CRB2: variants seen among roughly 807,000 people sequenced by gnomAD.
The protein encoded by CRB2 is protein crumbs homolog 2.
Under a neutral mutation model 110.9 loss-of-function variants are expected in CRB2, and 85 were observed. The observed-to-expected ratio is 0.77, with a 90% CI of 0.64 to 0.92. The LOEUF (loss-of-function observed/expected upper bound fraction) is 0.92. CRB2 is among the 40% of genes least tolerant of loss of function. CRB2 has a pLI of 0.00. For missense variants in CRB2, 1,843 were observed against 1,851.3 expected (o/e 1.00, Z 0.08); for synonymous variants, 907 against 831.0 (o/e 1.09, Z -1.57).
chr9:123,365,693 G>A lies in CRB2; in HGVS notation c.419-224G>A, dbSNP rs2041920726. On this transcript the variant is annotated intron_variant, in intron 2 of 12. Transcript: ENST00000373631. ...GCTGAATCACCCCCCACCATGTCCT[G>A]GCCTAGACTGCTGTGAGCCCCATGA... 2.0e-5 allele frequency among the ~76,000 whole-genome samples: 3 copies of A among 152,194 alleles called. No homozygotes were observed. In the South Asian group the frequency reaches 6.2e-4, roughly 32 times the overall value.
At position 123,357,229 on chromosome 9, in the gene CRB2, G is replaced by A. The variant is rs569923689; in HGVS notation, c.94+875G>A. Among the ~76,000 whole-genome samples, 8 of 152,216 alleles carry A rather than the reference G, an allele frequency of 5.3e-5. No individual in the cohort carries two copies. In the South Asian group the frequency reaches 8.3e-4, roughly 16 times the overall value. ...CCTTTTTGCTTTTGTCCAAGCTCTC[G>A]GAGCCTGGAATTCCTCCTGGGGGGT... On this transcript the variant is annotated intron_variant, in intron 1 of 12. Coordinates refer to ENST00000373631, the MANE Select transcript of CRB2 (RefSeq NM_173689.7).
In CRB2 at chr9:123,370,563, G is replaced by A; in HGVS notation, c.1510G>A (p.Val504Met). 6.2e-7 allele frequency: 1 copy of A among 1,613,516 alleles called. No homozygotes were observed. The highest frequency in any genetic ancestry group is 8.5e-7 in the Non-Finnish European group (1 of 1,180,024). The change falls in exon 7 of 13, where the codon GTG becomes ATG. Residue 504 changes from valine (V) to methionine (M), a missense_variant. Physicochemically the swap from Val to Met is conservative, Grantham distance 21. Coordinates refer to ENST00000373631, the MANE Select transcript of CRB2 (RefSeq NM_173689.7). ...QATLWSYSTTVLVLRLPDLAL... is the reference protein window; with the variant it reads ...QATLWSYSTTMLVLRLPDLAL... ...CACACTCTGGAGCTACAGCACCACT[G>A]TGCTTGTCCTGAGACTGCCGGACCT... is the stretch of plus-strand genomic sequence containing the variant.
rs368208593 is a variant in CRB2 at position 123,376,890 on chromosome 9, C to T, written c.3686C>T (p.Ala1229Val). Reference sequence around the variant, plus strand: ...CCACTGCTGGAGGTGGCCGTACCTGCAGCCTGTGCCTGCCTCCTCCTCCTC... The same window carrying T: ...CCACTGCTGGAGGTGGCCGTACCTGTAGCCTGTGCCTGCCTCCTCCTCCTC... ...PFPLLEVAVP[A>V]ACACLLLLLL... The change falls in exon 13 of 13, where the codon GCA (alanine) becomes GTA (valine). Residue 1229 changes from alanine to valine, a missense_variant. Transcript: ENST00000373631. 4 of 1,610,082 alleles carry T rather than the reference C, an allele frequency of 2.5e-6. No individual in the cohort carries two copies. The African/African-American group carries it at 5.3e-5, about 21-fold the overall frequency.
At chr9:123,367,440 CCCCCCA>C (rs2041952465) in intron 5 of CRB2, 83 bp downstream of exon 5, 1 of 1,006,170 alleles carries the variant, frequency 9.9e-7, no homozygotes, top group Non-Finnish European at 1.3e-6. Flanking sequence ...CCCCCCCCAC[CCCCCCA>C]CCCCACACCC....
chr9:123,354,569 C>G (rs1225963727), upstream of CRB2, among the ~76,000 whole-genome samples: 2 of 152,230 alleles, frequency 1.3e-5, no homozygotes. Context: ...GAGCTGGGCT[C>G]GAACCCAGAT....
Position 123,370,677 on chromosome 9 carries a change from G to A in CRB2, c.1624G>A (p.Ala542Thr), listed in dbSNP as rs758710571. The change falls in exon 7 of 13, where the codon GCC becomes ACC. Residue 542 changes from alanine (A) to threonine (T), a missense_variant. By Grantham distance (58) the Ala-to-Thr change is moderately conservative. Coordinates refer to ENST00000373631, the MANE Select transcript of CRB2 (RefSeq NM_173689.7). ...ACGGCTCTGGCATGAGGGCTGCCCT[G>A]CCCGGCTCTGTGTGGCCTCTGGTCC... ...ELRLWHEGCP[A>T]RLCVASGPVA... is the part of the protein sequence containing the mutation. 1 of 1,606,222 alleles carries A rather than the reference G, an allele frequency of 6.2e-7. No individual in the cohort carries two copies. Among genetic ancestry groups the A allele is most frequent in the Admixed American group, 1.7e-5 (1 of 60,020 alleles).
intron 1 of CRB2, among the ~76,000 whole-genome samples, chr9:123,362,002 G>C (rs1394252906): frequency 6.6e-6 from 1 of 152,210 alleles, no homozygotes; most frequent in African/African-American, 2.4e-5. Flanking sequence ...GAAGCATCAT[G>C]GTGGCCAGGG....
rs140031022 is a variant in CRB2 at position 123,363,040 on chromosome 9, C to T, written c.270C>T (p.Thr90=). 4.2e-4 allele frequency: 675 copies of T among 1,611,998 alleles called. 1 individual carries two copies. In the African/African-American group the frequency reaches 6.4e-3, roughly 15 times the overall value. ...GTGTGCCCCAGGGTCCAGATCCCAC[C>T]GGCTTCCGCTGCTACTGCGTGCCGG... The part of the protein sequence containing the change: ...ALCVPQGPDP[T]GFRCYCVPGF... Residue 90 remains threonine (T), a synonymous_variant, in exon 2 of 13, where the codon ACC becomes ACT. Coordinates refer to ENST00000373631, the MANE Select transcript of CRB2 (RefSeq NM_173689.7).
In CRB2 at chr9:123,365,965, T is replaced by C. The variant is rs778832790; in HGVS notation, c.467T>C (p.Leu156Pro). Residue 156 changes from leucine (L) to proline (P), a missense_variant, in exon 3 of 13, where the codon CTG becomes CCG. Transcript: ENST00000373631. ...EVDECASAPC[L>P]HGGSCLDGVG... ...GACGAGTGCGCCTCAGCGCCCTGCC[T>C]GCACGGGGGCTCGTGCCTGGACGGC... 3.3e-5 allele frequency: 52 copies of C among 1,597,558 alleles called. No homozygotes were observed. The highest frequency in any genetic ancestry group is 1.6e-4 in the Middle Eastern group (1 of 6,072).
In CRB2 at chr9:123,359,430, GTTTTTGTTTTGTT is replaced by G. The variant is rs1239659162; in HGVS notation, c.94+3082_94+3094del. Among the ~76,000 whole-genome samples, 21 of 98,020 alleles carry G rather than the reference GTTTTTGTTTTGTT, an allele frequency of 2.1e-4. 1 individual carries two copies. Among genetic ancestry groups the G allele is most frequent in the South Asian group, 3.3e-4 (1 of 3,044 alleles). 64.3% of individuals were successfully genotyped at this position (98,020 alleles called of 152,430 possible). ...CTTCTTTTTTTGTTTGTGGTTTTTC[GTTTTTGTTTTGTT>G]TTTTTTTTTTTTTTTTTTTTTTTAA... On this transcript the variant is annotated intron_variant, in intron 1 of 12. Coordinates refer to ENST00000373631, the MANE Select transcript of CRB2 (RefSeq NM_173689.7).
In CRB2 at chr9:123,374,579, G is replaced by T; in HGVS notation, c.3390G>T (p.Arg1130Ser). 6.2e-7 allele frequency: 1 copy of T among 1,611,704 alleles called. No individual in the cohort carries two copies. The highest frequency in any genetic ancestry group is 8.5e-7 in the Non-Finnish European group (1 of 1,178,526). ...ACTCCAGCCTCTGCTCTCTCCCCAG[G>T]TTGCCTGTCCCATCCAAGGAGTGCA... ...CPPGFGGPRC[R>S]LPVPSKECSL... Residue 1130 changes from arginine (R) to serine (S), a missense_variant and splice_region_variant, in exon 11 of 13, where the codon AGG (arginine) becomes AGT (serine). Arg to Ser is a moderately radical substitution (Grantham distance 110, BLOSUM62 -1). Coordinates refer to ENST00000373631, the MANE Select transcript of CRB2 (RefSeq NM_173689.7).
In CRB2 at chr9:123,367,701, G is replaced by A. The variant is rs201390312; in HGVS notation, c.1054+15G>A. 4.2e-4 allele frequency: 634 copies of A among 1,514,928 alleles called. 1 individual carries two copies. Among genetic ancestry groups the A allele is most frequent in the Middle Eastern group, 3.1e-3 (18 of 5,774 alleles). The allele number at this position is 1,514,928 out of a possible 1,614,324, so 93.8% of individuals were successfully genotyped here. A position where few individuals can be genotyped will look rare whatever the true frequency, so the allele number is the denominator to read the frequency against. ...TGGCTACGCAGGTGTCTGGGGTGGG[G>A]TGGGCCCTGGGACCATCAGAATTGG... is the stretch of plus-strand genomic sequence containing the variant. On this transcript the variant is annotated intron_variant, in intron 6 of 12. Coordinates refer to ENST00000373631, the MANE Select transcript of CRB2 (RefSeq NM_173689.7).
rs2042132734 is a variant in CRB2 at position 123,378,128 on chromosome 9, G to C, written c.*1066G>C. ...GGCTGCCTCTACACAGACTCGGCGA[G>C]AGGACTTGAAGGAAGCCCTCTGGGT... On this transcript the variant is annotated 3_prime_UTR_variant, in exon 13 of 13. Transcript: ENST00000373631. 1 of 152,346 alleles carries C rather than the reference G, an allele frequency of 6.6e-6. No individual in the cohort carries two copies. Among genetic ancestry groups the C allele is most frequent in the Admixed American group, 6.5e-5 (1 of 15,286 alleles). The allele number at this position is 152,346 out of a possible 1,614,324, so 9.4% of individuals were successfully genotyped here.
At chr9:123,361,420 A>G (rs2041867666) in intron 1 of CRB2, among the ~76,000 whole-genome samples, 1 of 152,176 alleles carries the variant, frequency 6.6e-6, no homozygotes, top group Non-Finnish European at 1.5e-5. Flanking sequence ...GGGAGCTGGA[A>G]GGATGCGGGT....
chr9:123,368,910 C>T (rs1168270150), intron 6 of CRB2: 1 of 1,264,180 alleles, frequency 7.9e-7, no homozygotes, highest in Non-Finnish European at 1.0e-6. Context: ...GCCGGGGGCT[C>T]TGTGGACCTT....
intron 1 of CRB2, among the ~76,000 whole-genome samples, chr9:123,357,488 A>G (rs986399999): frequency 1.6e-4 from 24 of 151,924 alleles, no homozygotes; most frequent in Non-Finnish European, 7.4e-5. Context: ...TTCATTTCCT[A>G]TCCTCTCTAT....
At chr9:123,368,246 C>G (rs888773461) in intron 6 of CRB2, among the ~76,000 whole-genome samples, 3 of 152,156 alleles carry the variant, frequency 2.0e-5, no homozygotes, top group Non-Finnish European at 4.4e-5. Context: ...CCTCCTCCCC[C>G]TGGCAGGCTC....
In CRB2 at chr9:123,365,974, G is replaced by A. The variant is rs1105222; in HGVS notation, c.476G>A (p.Gly159Asp). The A allele has an allele frequency of 1.3e-6, 2 of 1,596,810 alleles. No individual in the cohort carries two copies. Among genetic ancestry groups the A allele is most frequent in the South Asian group, 2.2e-5 (2 of 90,810 alleles). The change falls in exon 3 of 13, where the codon GGC (glycine) becomes GAC (aspartate). Residue 159 changes from glycine (G) to aspartate (D), a missense_variant. By Grantham distance (94) the Gly-to-Asp change is moderately conservative (BLOSUM62 -1). Coordinates refer to ENST00000373631, the MANE Select transcript of CRB2 (RefSeq NM_173689.7). ...GCCTCAGCGCCCTGCCTGCACGGGG[G>A]CTCGTGCCTGGACGGCGTGGGCTCC... is the stretch of plus-strand genomic sequence containing the variant. ...ECASAPCLHG[G>D]SCLDGVGSFR... is the part of the protein sequence containing the mutation.
rs537988083 is a variant in CRB2, at chr9:123,362,869, G to C, written c.99G>C (p.Thr33=). The change falls in exon 2 of 13, where the codon ACG becomes ACC. Residue 33 remains threonine, a synonymous_variant. Coordinates refer to ENST00000373631, the MANE Select transcript of CRB2 (RefSeq NM_173689.7). The part of the protein sequence containing the change: ...WAPALSLLAG[T]VPSEPPSACA... The stretch of plus-strand genomic sequence containing the variant: ...GCCAGTTTCTTCTTTCTACAGGGAC[G>C]GTGCCTTCAGAGCCCCCCAGTGCCT... 6.3e-7 allele frequency: 1 copy of C among 1,577,358 alleles called. No homozygotes were observed. Among genetic ancestry groups the C allele is most frequent in the South Asian group, 1.1e-5 (1 of 88,680 alleles).
Sources: allele counts gnomAD v4.1 joint callset (sites outside exome capture counted in the v4.1 genomes callset), GRCh38; gene constraint gnomAD v4.1.1; transcripts MANE v1.5; gene names NCBI Gene and HGNC (gene_info 2026-07-23, HGNC 2026-07-21).